Variants in MAP4K3 observed in about 807,000 individuals in gnomAD.
MAP4K3 encodes mitogen-activated protein kinase kinase kinase kinase 3.
A neutral mutation model predicts 143.5 loss-of-function variants in MAP4K3; 94 were observed. The ratio of observed to expected loss-of-function variants is 0.65; its 90% CI spans 0.55 to 0.78. The LOEUF (loss-of-function observed/expected upper bound fraction) is 0.78, where lower values mean the gene tolerates loss of function less well. MAP4K3 is among the 30% of genes least tolerant of loss of function. MAP4K3 has a pLI of 0.00. For missense variants in MAP4K3, 1,077 were observed against 1,068.1 expected, an observed-to-expected ratio of 1.01 and a Z score of -0.12; for synonymous variants, 416 against 347.2, an observed-to-expected ratio of 1.20 and a Z score of -2.20.
chr2:39,274,220 T>C (rs1483717167), intron 24 of MAP4K3, among the ~76,000 whole-genome samples: 1 of 143,520 alleles, frequency 7.0e-6, no homozygotes, highest in African/African-American at 2.5e-5. Flanking sequence ...TCTTTCTCTC[T>C]CTTTTTTTTT....
chr2:39,342,140 ATT>A, intron 4 of MAP4K3, among the ~76,000 whole-genome samples: 1 of 127,318 alleles, frequency 7.9e-6, no homozygotes, highest in South Asian at 2.4e-4. Flanking sequence ...TATTATTATT[ATT>A]ATTATTATTA....
Position 39,249,779 on chromosome 2 carries a change from C to T in MAP4K3, c.*839G>A, listed in dbSNP as rs984687551. The T allele has an allele frequency of 1.3e-5, 2 of 152,586 alleles. No individual in the cohort carries two copies. Among genetic ancestry groups the T allele is most frequent in the African/African-American group, 4.8e-5 (2 of 41,442 alleles). The allele number at this position is 152,586 out of a possible 1,614,324, so 9.5% of individuals were successfully genotyped here. A position where few individuals can be genotyped will look rare whatever the true frequency, so the allele number is the denominator to read the frequency against. ...TTTGTGCATACTGTAATTCTGACCA[C>T]AATTGCAGTATTCTATCATGGTACC... On this transcript the variant is annotated 3_prime_UTR_variant, in exon 34 of 34. Coordinates refer to ENST00000263881, the MANE Select transcript of MAP4K3 (RefSeq NM_003618.4).
intron 16 of MAP4K3, among the ~76,000 whole-genome samples, chr2:39,294,493 T>C (rs1337419399): frequency 6.6e-6 from 1 of 152,216 alleles, no homozygotes; most frequent in Non-Finnish European, 1.5e-5. Flanking sequence ...GGGCCAACTC[T>C]AAGAAAGCAG....
intron 31 of MAP4K3, among the ~76,000 whole-genome samples, 168 bp downstream of exon 31, chr2:39,258,180 C>T (rs1680422201): frequency 6.6e-6 from 1 of 152,204 alleles, no homozygotes; most frequent in South Asian, 2.1e-4. Flanking sequence ...GATCCACCCA[C>T]CTTGGCCTCC....
intron 26 of MAP4K3, among the ~76,000 whole-genome samples, chr2:39,268,582 A>C (rs937976134): frequency 1.3e-5 from 2 of 149,240 alleles, no homozygotes; most frequent in African/African-American, 4.9e-5. Flanking sequence ...CGGACTCCCA[A>C]AGTGCTGGGA....
chr2:39,278,508 G>C (rs1479221848), intron 23 of MAP4K3, 22 bp from the exon 24 acceptor site: 1 of 1,330,572 alleles, frequency 7.5e-7, no homozygotes, highest in South Asian at 1.3e-5. Context: ...GTAATTCACT[G>C]ACTGATTTTG....
At position 39,348,757 on chromosome 2, in the gene MAP4K3, T is replaced by C. The variant is rs532179439; in HGVS notation, c.246-5305A>G. On this transcript the variant is annotated intron_variant, in intron 3 of 33. Transcript: ENST00000263881. ...ATTTATCTTATAAGAAACAGAAAATTAAGTAGAGGGGGAAAAGTTAACTAT... is the reference window on the plus strand; with the variant it reads ...ATTTATCTTATAAGAAACAGAAAATCAAGTAGAGGGGGAAAAGTTAACTAT... Among the ~76,000 whole-genome samples the C allele has an allele frequency of 5.3e-5, 8 of 152,230 alleles. No homozygotes were observed. The South Asian group carries it at 1.7e-3, about 32-fold the overall frequency.
intron 1 of MAP4K3, among the ~76,000 whole-genome samples, chr2:39,424,702 C>A (rs1486291059): frequency 6.6e-6 from 1 of 151,544 alleles, no homozygotes; most frequent in African/African-American, 2.4e-5. Context: ...AGGTGGTGGA[C>A]ACCTGTAGTC....
intron 17 of MAP4K3, among the ~76,000 whole-genome samples, 199 bp downstream of exon 17, chr2:39,293,031 C>T (rs538024583): frequency 2.6e-5 from 4 of 152,092 alleles, no homozygotes; most frequent in East Asian, 3.9e-4. Flanking sequence ...GTGGAAAGAT[C>T]GCTTGAGCCC....
chr2:39,336,374 G>A (rs1054948103), intron 6 of MAP4K3, among the ~76,000 whole-genome samples: 5 of 148,790 alleles, frequency 3.4e-5, no homozygotes, highest in Middle Eastern at 3.4e-3. Flanking sequence ...TCGGGAGGCT[G>A]AGGCAGGGGA....
intron 28 of MAP4K3, among the ~76,000 whole-genome samples, chr2:39,263,230 T>C (rs945377702): frequency 6.6e-6 from 1 of 151,706 alleles, no homozygotes; most frequent in African/African-American, 2.4e-5. Flanking sequence ...TAAATACTGA[T>C]AGAAATAATG....
At chr2:39,353,422 T>G (rs1429158893) in intron 3 of MAP4K3, among the ~76,000 whole-genome samples, 1 of 152,238 alleles carries the variant, frequency 6.6e-6, no homozygotes, top group East Asian at 1.9e-4. Flanking sequence ...TATACCCATT[T>G]ACAGAATAAA....
At chr2:39,328,423 C>G (rs1180625100) in intron 8 of MAP4K3, among the ~76,000 whole-genome samples, 1 of 152,114 alleles carries the variant, frequency 6.6e-6, no homozygotes, top group Admixed American at 6.6e-5. Context: ...AGCCAAAAAA[C>G]CTGGTACGTT....
chr2:39,347,308 T>C (rs1457313614), intron 3 of MAP4K3, among the ~76,000 whole-genome samples: 1 of 152,144 alleles, frequency 6.6e-6, no homozygotes, highest in Non-Finnish European at 1.5e-5. Flanking sequence ...GAGTATAAAA[T>C]AAAGGGGTTC....
In MAP4K3 at chr2:39,265,131, T is replaced by C. The variant is rs555345064; in HGVS notation, c.2136+72A>G. ...TAACTTGAAAATTAACTGAAAAAAA[T>C]GTTTCTTTAAAGAACAGTAAGGTTG... is the stretch of plus-strand genomic sequence containing the variant. On this transcript the variant is annotated intron_variant, in intron 28 of 33. Transcript: ENST00000263881. The C allele has an allele frequency of 1.3e-4, 135 of 1,032,562 alleles. 2 individuals carry two copies. In the South Asian group the frequency reaches 1.9e-3, roughly 14 times the overall value. 64.0% of individuals were successfully genotyped at this position (1,032,562 alleles called of 1,614,324 possible). A position where few individuals can be genotyped will look rare whatever the true frequency, so the allele number is the denominator to read the frequency against.
rs985542891 is a variant in MAP4K3 at position 39,261,453 on chromosome 2, C to G, written c.2137-676G>C. The stretch of plus-strand genomic sequence containing the variant: ...CACAATGAGATAAATACTATACATA[C>G]CCACCGAATGGCTAAAATTAAAAAG... On this transcript the variant is annotated intron_variant, in intron 28 of 33. Coordinates refer to ENST00000263881, the MANE Select transcript of MAP4K3 (RefSeq NM_003618.4). 9.4e-4 allele frequency among the ~76,000 whole-genome samples: 143 copies of G among 152,232 alleles called. 1 individual carries two copies. The highest frequency in any genetic ancestry group is 3.1e-3 in the African/African-American group (128 of 41,526).
At chr2:39,285,018 G>C (rs1681708156) in intron 21 of MAP4K3, among the ~76,000 whole-genome samples, 1 of 151,798 alleles carries the variant, frequency 6.6e-6, no homozygotes, top group Non-Finnish European at 1.5e-5. Context: ...TCAGCCTCCT[G>C]AGCAGCTAGG....
chr2:39,331,966 T>A lies in MAP4K3; in HGVS notation c.481A>T (p.Ile161Leu), dbSNP rs764154972. ...TTCCGTTTGGCAATTGTAGCTGTTA[T>A]CTGTGCAGATACTCCAAAATCAGCT... ...KLADFGVSAQ[I>L]TATIAKRKSF... Residue 161 changes from isoleucine (I) to leucine (L), a missense_variant, in exon 8 of 34, where the codon ATA (isoleucine) becomes TTA (leucine). Ile to Leu is a conservative substitution (Grantham distance 5). Transcript: ENST00000263881. 1 of 1,573,090 alleles carries A rather than the reference T, an allele frequency of 6.4e-7. No individual in the cohort carries two copies. The highest frequency in any genetic ancestry group is 8.7e-7 in the Non-Finnish European group (1 of 1,153,352).
At chr2:39,307,447 A>C (rs897206738) in intron 15 of MAP4K3, among the ~76,000 whole-genome samples, 3 of 151,982 alleles carry the variant, frequency 2.0e-5, no homozygotes, top group African/African-American at 7.2e-5. Flanking sequence ...TTCATTGTTA[A>C]TGTAGGAATA....
Sources: gnomAD v4.1 joint callset for allele counts (sites outside exome capture counted in the v4.1 genomes callset) on GRCh38, gnomAD v4.1.1 for gene constraint, MANE v1.5 for transcripts, NCBI Gene and HGNC (gene_info 2026-07-23, HGNC 2026-07-21) for gene names.